Variants in FBXL17 observed in about 807,000 individuals in gnomAD.
The protein encoded by FBXL17 is F-box and leucine rich repeat protein 17.
A neutral mutation model predicts 66.2 loss-of-function variants in FBXL17; 22 were observed. The ratio of observed to expected loss-of-function variants is 0.33; its 90% CI spans 0.24 to 0.47. The LOEUF (loss-of-function observed/expected upper bound fraction) is 0.47. FBXL17 is among the 20% of genes least tolerant of loss of function. The pLI is 1.00. For synonymous variants in FBXL17, 474 were observed against 400.5 expected, an observed-to-expected ratio of 1.18 and a Z score of -2.19; for missense variants, 878 against 948.2, an observed-to-expected ratio of 0.93 and a Z score of 0.97.
intron 1 of FBXL17, among the ~76,000 whole-genome samples, chr5:108,371,254 T>A (rs1488613995): frequency 1.3e-5 from 2 of 152,156 alleles, no homozygotes; most frequent in African/African-American, 4.8e-5. Context: ...TCAGAAGAAT[T>A]GGGGAAGAGA....
intron 6 of FBXL17, among the ~76,000 whole-genome samples, chr5:108,075,721 C>T (rs1210672419): frequency 1.3e-5 from 2 of 152,166 alleles, no homozygotes; most frequent in African/African-American, 4.8e-5. Context: ...AGGTGATCTG[C>T]CCGCCTCGGC....
chr5:108,136,297 T>C (rs1236679871), intron 6 of FBXL17, among the ~76,000 whole-genome samples: 2 of 152,114 alleles, frequency 1.3e-5, no homozygotes, highest in East Asian at 3.9e-4. Flanking sequence ...AACTTTCCTT[T>C]ATTCTCACAA....
At chr5:108,062,294 T>A (rs1349282438) in intron 6 of FBXL17, among the ~76,000 whole-genome samples, 1 of 152,204 alleles carries the variant, frequency 6.6e-6, no homozygotes, top group East Asian at 1.9e-4. Context: ...ATTATTAAAA[T>A]ATAATGTATT....
intron 7 of FBXL17, among the ~76,000 whole-genome samples, chr5:107,956,845 G>A (rs1751682785): frequency 6.6e-6 from 1 of 152,134 alleles, no homozygotes; most frequent in South Asian, 2.1e-4. Context: ...TGGGTGGGCA[G>A]AAGAGAGAAT....
intron 7 of FBXL17, among the ~76,000 whole-genome samples, chr5:107,946,632 T>G (rs977315929): frequency 6.6e-6 from 1 of 151,834 alleles, no homozygotes; most frequent in Admixed American, 6.6e-5. Context: ...TGAATCACAA[T>G]CTTGTATCTT....
At chr5:108,017,387 A>G (rs913876345) in intron 7 of FBXL17, among the ~76,000 whole-genome samples, 2 of 152,198 alleles carry the variant, frequency 1.3e-5, no homozygotes, top group Admixed American at 6.5e-5. Flanking sequence ...AATGATTTCC[A>G]CAAACAGAAA....
intron 6 of FBXL17, among the ~76,000 whole-genome samples, chr5:108,101,273 A>C (rs560288310): frequency 6.6e-6 from 1 of 152,358 alleles, no homozygotes; most frequent in Admixed American, 6.5e-5. Flanking sequence ...CTCTGTCCAC[A>C]AGCCAAGATT....
At chr5:108,242,519 G>T (rs1261288645) in intron 4 of FBXL17, among the ~76,000 whole-genome samples, 1 of 152,010 alleles carries the variant, frequency 6.6e-6, no homozygotes, top group Non-Finnish European at 1.5e-5. Context: ...ACTGTGTCTG[G>T]CCTATAACTC....
chr5:108,239,374 C>G (rs79732043), intron 4 of FBXL17, among the ~76,000 whole-genome samples: 3,253 of 152,322 alleles, frequency 0.021, 124 homozygotes, highest in African/African-American at 0.074. Flanking sequence ...CCACAAGGCA[C>G]AGGGAGTGAA....
intron 6 of FBXL17, among the ~76,000 whole-genome samples, chr5:108,144,045 TATG>T (rs1377611373): frequency 6.6e-6 from 1 of 152,036 alleles, no homozygotes; most frequent in African/African-American, 2.4e-5. Flanking sequence ...CTCACATTTA[TATG>T]ATGATGGCAG....
At chr5:108,283,734 T>C (rs1757790400) in intron 4 of FBXL17, among the ~76,000 whole-genome samples, 1 of 151,600 alleles carries the variant, frequency 6.6e-6, no homozygotes, top group Non-Finnish European at 1.5e-5. Context: ...AATAAACACA[T>C]TGAAGAAACA....
Position 108,086,810 on chromosome 5 carries a change from C to T in FBXL17, c.1746-65809G>A, listed in dbSNP as rs549470261. 2.0e-5 allele frequency among the ~76,000 whole-genome samples: 3 copies of T among 152,268 alleles called. No homozygotes were observed. The South Asian group carries it at 6.2e-4, about 32-fold the overall frequency. The stretch of plus-strand genomic sequence containing the variant: ...CCCTGACCTCAAGTGATCCACCCGC[C>T]TCGGCCTCCCAAAGTGCTGGGATTA... On this transcript the variant is annotated intron_variant, in intron 6 of 8. Coordinates refer to ENST00000542267, the MANE Select transcript of FBXL17 (RefSeq NM_001163315.3).
At chr5:108,285,207 G>C (rs1757849935) in intron 4 of FBXL17, among the ~76,000 whole-genome samples, 1 of 151,816 alleles carries the variant, frequency 6.6e-6, no homozygotes, top group Non-Finnish European at 1.5e-5. Flanking sequence ...ATTTCTACCA[G>C]ATCTACAGTT....
intron 6 of FBXL17, among the ~76,000 whole-genome samples, chr5:108,096,589 G>A (rs1305904958): frequency 6.6e-6 from 1 of 152,202 alleles, no homozygotes; most frequent in African/African-American, 2.4e-5. Flanking sequence ...CTTGGGATGA[G>A]TCAAATTATC....
intron 6 of FBXL17, among the ~76,000 whole-genome samples, chr5:108,027,029 T>G (rs540104084): frequency 6.6e-6 from 1 of 152,224 alleles, no homozygotes; most frequent in South Asian, 2.1e-4. Flanking sequence ...ATTAAATAGG[T>G]TTTCTCATTG....
At chr5:108,268,210 T>G (rs1481326304) in intron 4 of FBXL17, among the ~76,000 whole-genome samples, 3 of 151,992 alleles carry the variant, frequency 2.0e-5, no homozygotes, top group East Asian at 3.9e-4. Context: ...CATGAATAAA[T>G]CATAAGTAAG....
rs541186027 is a variant in FBXL17, at chr5:107,982,474, A to G, written c.1822+38451T>C. On this transcript the variant is annotated intron_variant, in intron 7 of 8. Transcript: ENST00000542267. ...AAAAAAAAAACAAAAAAAACCACAT[A>G]GCAATGAACTTGCTATAAAAATAAC... Among the ~76,000 whole-genome samples the G allele has an allele frequency of 5.9e-5, 9 of 152,300 alleles. No individual in the cohort carries two copies. The East Asian group carries it at 1.7e-3, about 29-fold the overall frequency.
chr5:108,376,477 T>C (rs1255213193), intron 1 of FBXL17, among the ~76,000 whole-genome samples: 2 of 152,352 alleles, frequency 1.3e-5, no homozygotes, highest in East Asian at 3.9e-4. Context: ...AGCACTTCCA[T>C]TTATAATAGC....
At chr5:108,096,620 A>G (rs1037985305) in intron 6 of FBXL17, among the ~76,000 whole-genome samples, 2 of 152,202 alleles carry the variant, frequency 1.3e-5, no homozygotes, top group Non-Finnish European at 2.9e-5. Flanking sequence ...CTCCAGAAGA[A>G]CAAGAATTTG....
Sources: gnomAD v4.1 joint callset for allele counts (sites outside exome capture counted in the v4.1 genomes callset) on GRCh38, gnomAD v4.1.1 for gene constraint, MANE v1.5 for transcripts, NCBI Gene and HGNC (gene_info 2026-07-23, HGNC 2026-07-21) for gene names.